SHISAL1: variants seen among roughly 807,000 people sequenced by gnomAD.
The protein encoded by SHISAL1 is shisa like 1, also known as protein shisa-like-1.
In SHISAL1, 9 loss-of-function variants were observed where a neutral mutation model predicts 22.6. The observed-to-expected ratio is 0.40, with a 90% CI of 0.24 to 0.70. The LOEUF (loss-of-function observed/expected upper bound fraction) is 0.70, where lower values mean the gene tolerates loss of function less well. Ranked by LOEUF, SHISAL1 falls within the 30% of genes least tolerant of loss-of-function variation. SHISAL1 has a pLI of 0.39. For synonymous variants in SHISAL1, 119 were observed against 115.4 expected (o/e 1.03, Z -0.20); for missense variants, 246 against 270.6 (o/e 0.91, Z 0.64).
rs147529275 is a variant in SHISAL1, at chr22:44,300,207, A to T, written c.67+672T>A. Among the ~76,000 whole-genome samples the T allele has an allele frequency of 6.0e-3, 906 of 152,242 alleles. 9 individuals are homozygous for T. The highest frequency in any genetic ancestry group is 0.021 in the African/African-American group (860 of 41,516). Reference sequence around the variant, plus strand: ...GAGACAGACACAGACACACAGAGAGAGACAGAGACAGACAGAAAGACAGAG... The same window carrying T: ...GAGACAGACACAGACACACAGAGAGTGACAGAGACAGACAGAAAGACAGAG... On this transcript the variant is annotated intron_variant, in intron 2 of 4. Coordinates refer to ENST00000381176, the MANE Select transcript of SHISAL1 (RefSeq NM_001099294.2).
At chr22:44,253,811 C>T (rs1157756352) in intron 4 of SHISAL1, among the ~76,000 whole-genome samples, 4 of 149,052 alleles carry the variant, frequency 2.7e-5, no homozygotes, top group African/African-American at 7.6e-5. Context: ...TAAGGATATA[C>T]GGAGCCAAAT....
chr22:44,284,587 G>A (rs1445096296), intron 4 of SHISAL1, among the ~76,000 whole-genome samples: 2 of 152,104 alleles, frequency 1.3e-5, no homozygotes, highest in African/African-American at 4.8e-5. Flanking sequence ...CTGCAGCTCA[G>A]CCCCCACAGA....
chr22:44,284,727 C>A (rs1463899091), intron 4 of SHISAL1, among the ~76,000 whole-genome samples: 1 of 152,210 alleles, frequency 6.6e-6, no homozygotes, highest in African/African-American at 2.4e-5. Flanking sequence ...CCCCTTCCAA[C>A]TCTAGATGCT....
chr22:44,258,989 G>C (rs972124492), intron 4 of SHISAL1, among the ~76,000 whole-genome samples: 2 of 152,132 alleles, frequency 1.3e-5, no homozygotes, highest in Non-Finnish European at 2.9e-5. Context: ...CAACATTCTG[G>C]ACCCAAGGGT....
chr22:44,313,486 CT>C (rs559553795), upstream of SHISAL1, among the ~76,000 whole-genome samples: 3 of 152,344 alleles, frequency 2.0e-5, no homozygotes, highest in African/African-American at 4.8e-5. Context: ...CCCCCTACCC[CT>C]GGCCTGTCCC....
intron 4 of SHISAL1, 105 bp downstream of exon 4, chr22:44,285,323 A>G: frequency 3.2e-6 from 4 of 1,243,232 alleles, no homozygotes. Flanking sequence ...GCAAACAATC[A>G]GGCAACCAAT....
chr22:44,296,654 C>A lies in SHISAL1; in HGVS notation c.281+18G>T, dbSNP rs753750785. 2.5e-6 allele frequency: 4 copies of A among 1,611,188 alleles called. No homozygotes were observed. Among genetic ancestry groups the A allele is most frequent in the Non-Finnish European group, 3.4e-6 (4 of 1,178,508 alleles). On this transcript the variant is annotated intron_variant, in intron 3 of 4. Coordinates refer to ENST00000381176, the MANE Select transcript of SHISAL1 (RefSeq NM_001099294.2). ...GGGGCCCGAGGCAGTGGGGTTGCAC[C>A]CCCAGAGTGGCACTCACTTGTGCAT...
chr22:44,311,073 G>T (rs927360909), intron 1 of SHISAL1, among the ~76,000 whole-genome samples: 2 of 152,028 alleles, frequency 1.3e-5, no homozygotes, highest in African/African-American at 4.8e-5. Context: ...GGCCACCACC[G>T]GGAGTGACCT....
intron 3 of SHISAL1, among the ~76,000 whole-genome samples, chr22:44,286,172 C>T (rs941605012): frequency 5.3e-5 from 8 of 152,290 alleles, no homozygotes; most frequent in East Asian, 1.9e-4. Flanking sequence ...TCCTGGCACC[C>T]GGGATGCTCT....
At chr22:44,322,630 G>A in the SHISAL1 span, among the ~76,000 whole-genome samples, 1 of 152,164 alleles carries the variant, frequency 6.6e-6, no homozygotes, top group Non-Finnish European at 1.5e-5. Context: ...GGTTCAGAGT[G>A]GCATGGGAAC....
chr22:44,283,841 G>A (rs976468112), intron 4 of SHISAL1, among the ~76,000 whole-genome samples: 3 of 152,142 alleles, frequency 2.0e-5, no homozygotes, highest in African/African-American at 7.2e-5. Flanking sequence ...GTAGGCTCTG[G>A]GTCTTTAGTT....
chr22:44,306,542 A>G (rs1483637089), intron 1 of SHISAL1, among the ~76,000 whole-genome samples: 1 of 97,548 alleles, frequency 1.0e-5, no homozygotes, highest in African/African-American at 3.9e-5. Flanking sequence ...TCTGATGACG[A>G]TGGCATGTGT....
chr22:44,304,466 TAAAATG>T (rs541506311), intron 1 of SHISAL1, among the ~76,000 whole-genome samples: 406 of 152,320 alleles, frequency 2.7e-3, no homozygotes, highest in African/African-American at 9.2e-3. Flanking sequence ...ATCAGGATTG[TAAAATG>T]CCACTGAAAC....
chr22:44,259,128 C>T (rs1198210490), intron 4 of SHISAL1, among the ~76,000 whole-genome samples: 1 of 152,192 alleles, frequency 6.6e-6, no homozygotes, highest in Non-Finnish European at 1.5e-5. Flanking sequence ...AAATTTGCAA[C>T]AGGGTGGCCA....
chr22:44,278,103 A>C (rs2055252331), intron 4 of SHISAL1, among the ~76,000 whole-genome samples: 1 of 152,182 alleles, frequency 6.6e-6, no homozygotes, highest in South Asian at 2.1e-4. Context: ...GGGCTGGGGA[A>C]GGCAAACCCA....
intron 4 of SHISAL1, among the ~76,000 whole-genome samples, chr22:44,275,989 G>A (rs1212908325): frequency 6.6e-6 from 1 of 152,218 alleles, no homozygotes; most frequent in African/African-American, 2.4e-5. Context: ...CCTGTTCTAT[G>A]TGCTGGGGTC....
Position 44,246,931 on chromosome 22 carries a change from T to A in SHISAL1, c.*2754A>T, listed in dbSNP as rs1208625849. 6.6e-6 allele frequency: 1 copy of A among 151,622 alleles called. No individual in the cohort carries two copies. The highest frequency in any genetic ancestry group is 1.5e-5 in the Non-Finnish European group (1 of 67,950). The allele number at this position is 151,622 out of a possible 1,614,324, so 9.4% of individuals were successfully genotyped here. A position where few individuals can be genotyped will look rare whatever the true frequency, so the allele number is the denominator to read the frequency against. ...AGAATGTTCCAGTCCTCAGCCCAGC[T>A]GCCCAAGAGGGACTTGGCAGAGCAG... On this transcript the variant is annotated 3_prime_UTR_variant, in exon 5 of 5. Transcript: ENST00000381176.
In SHISAL1 at chr22:44,293,225, G is replaced by A. The variant is rs1214560567; in HGVS notation, c.281+3447C>T. Among the ~76,000 whole-genome samples, 4 of 152,220 alleles carry A rather than the reference G, an allele frequency of 2.6e-5. No individual in the cohort carries two copies. The East Asian group carries it at 5.8e-4, about 22-fold the overall frequency. ...GGAGCACCTATGACAGGAGAAGCCT[G>A]GGGGAGGAGAAGGAGCTGCGTCCTC... On this transcript the variant is annotated intron_variant, in intron 3 of 4. Transcript: ENST00000381176.
chr22:44,272,059 G>A (rs1455066402), intron 4 of SHISAL1, among the ~76,000 whole-genome samples: 1 of 152,148 alleles, frequency 6.6e-6, no homozygotes, highest in African/African-American at 2.4e-5. Flanking sequence ...GGTCTCTCCC[G>A]GGGCAGGATT....
Sources: allele counts gnomAD v4.1 joint callset (sites outside exome capture counted in the v4.1 genomes callset), GRCh38; gene constraint gnomAD v4.1.1; transcripts MANE v1.5; gene names NCBI Gene and HGNC (gene_info 2026-07-23, HGNC 2026-07-21).